The following TFB1M variants were observed in gnomAD, a reference collection of about 807,000 sequenced individuals.
TFB1M encodes the protein dimethyladenosine transferase 1, mitochondrial.
TFB1M carries 27 observed loss-of-function variants against 31.1 expected under a neutral mutation model. The ratio of observed to expected loss-of-function variants is 0.87; its 90% CI spans 0.64 to 1.20. The LOEUF is 1.20. Among genes scored for constraint, TFB1M ranks in the 50% most tolerant of loss-of-function variants. TFB1M has a pLI of 0.00. For missense variants in TFB1M, 394 were observed against 418.7 expected (o/e 0.94, Z 0.51); for synonymous variants, 166 against 151.8 (o/e 1.09, Z -0.69).
the TFB1M span, among the ~76,000 whole-genome samples, chr6:155,249,002 A>G: frequency 2.6e-5 from 4 of 152,228 alleles, no homozygotes; most frequent in African/African-American, 9.6e-5. Context: ...TTTGTATGAC[A>G]GTTAACTTCT....
chr6:155,290,252 G>A lies in TFB1M; in HGVS notation c.547-4975C>T, dbSNP rs573512066. Among the ~76,000 whole-genome samples, 10 of 152,102 alleles carry A rather than the reference G, an allele frequency of 6.6e-5. No homozygotes were observed. In the East Asian group the frequency reaches 1.2e-3, roughly 18 times the overall value. On this transcript the variant is annotated intron_variant, in intron 4 of 6. Transcript: ENST00000367166. ...ATGCAAAAAATTAGCCAGGCGTGGT[G>A]GTGGGCGCCTGTAGTCCCAGCTACT...
chr6:155,252,388 G>C (rs1284879454), downstream of TFB1M, among the ~76,000 whole-genome samples: 1 of 152,104 alleles, frequency 6.6e-6, no homozygotes, highest in Non-Finnish European at 1.5e-5. Flanking sequence ...AGGATCAATT[G>C]AGCCCAGGAG....
chr6:155,266,459 C>A (rs971742319), intron 5 of TFB1M, among the ~76,000 whole-genome samples: 3 of 152,110 alleles, frequency 2.0e-5, no homozygotes, highest in Admixed American at 1.3e-4. Flanking sequence ...CCCTGTGACA[C>A]CCACAAAGCC....
chr6:155,261,846 A>G (rs1408838205), intron 5 of TFB1M, among the ~76,000 whole-genome samples: 1 of 152,220 alleles, frequency 6.6e-6, no homozygotes, highest in African/African-American at 2.4e-5. Flanking sequence ...CCCACCCCCA[A>G]CATCCATCAG....
At chr6:155,230,533 C>G in the TFB1M span, among the ~76,000 whole-genome samples, 1 of 33,498 alleles carries the variant, frequency 3.0e-5, no homozygotes, top group Non-Finnish European at 5.0e-5. Context: ...CAGCCAGACT[C>G]AAGGAGTGAT....
intron 5 of TFB1M, chr6:155,260,756 G>A: frequency 5.8e-6 from 2 of 343,778 alleles, no homozygotes; most frequent in Non-Finnish European, 1.1e-5. Flanking sequence ...TTTTGAATGA[G>A]GAAAAAAATA....
downstream of TFB1M, chr6:155,254,603 C>A (rs1015840959): frequency 1.2e-6 from 2 of 1,601,858 alleles, no homozygotes; most frequent in African/African-American, 1.3e-5. Flanking sequence ...TGTGTTTATT[C>A]AACAAAATAT....
rs776821487 is a variant in TFB1M, at chr6:155,275,769, G to A, written c.666+9389C>T. 3.7e-6 allele frequency: 6 copies of A among 1,613,924 alleles called. No homozygotes were observed. The African/African-American group carries it at 6.7e-5, about 18-fold the overall frequency. ...CTTGCTTTCATCCTGGCCTTATCTGGGGTCTCTGGAGTGCTCACAGCCACT... is the reference window on the plus strand; with the variant it reads ...CTTGCTTTCATCCTGGCCTTATCTGAGGTCTCTGGAGTGCTCACAGCCACT... On this transcript the variant is annotated intron_variant, in intron 5 of 6. Transcript: ENST00000367166.
At chr6:155,295,135 G>C (rs1342973062) in intron 4 of TFB1M, among the ~76,000 whole-genome samples, 1 of 152,218 alleles carries the variant, frequency 6.6e-6, no homozygotes, top group African/African-American at 2.4e-5. Context: ...GGGAGGCTGA[G>C]GCGGGTGGAT....
the TFB1M span, among the ~76,000 whole-genome samples, chr6:155,236,580 T>TTC: frequency 6.6e-6 from 1 of 152,078 alleles, no homozygotes; most frequent in Non-Finnish European, 1.5e-5. Flanking sequence ...GGAGAATTGC[T>TTC]TGCACCCGGG....
chr6:155,269,324 C>CTTTTTTTTTTTTTTTT (rs60162262), intron 5 of TFB1M, among the ~76,000 whole-genome samples: 2 of 127,268 alleles, frequency 1.6e-5, no homozygotes, highest in Non-Finnish European at 1.6e-5. Context: ...CTTTTCTTTT[C>CTTTTTTTTTTTTTTTT]TTTTTTTTTT....
At chr6:155,261,472 A>G (rs1470403971) in intron 5 of TFB1M, among the ~76,000 whole-genome samples, 1 of 152,242 alleles carries the variant, frequency 6.6e-6, no homozygotes, top group Non-Finnish European at 1.5e-5. Context: ...ATAATTCCTT[A>G]AACAGATGAA....
At chr6:155,303,021 T>C (rs897800400) in intron 2 of TFB1M, among the ~76,000 whole-genome samples, 7 of 152,194 alleles carry the variant, frequency 4.6e-5, no homozygotes, top group Non-Finnish European at 7.4e-5. Flanking sequence ...AGTAGGGACA[T>C]AGCCAAACCA....
chr6:155,279,095 C>T (rs1199308208), intron 5 of TFB1M, among the ~76,000 whole-genome samples: 2 of 151,970 alleles, frequency 1.3e-5, no homozygotes. Context: ...ATTATCTGGC[C>T]CCAAATGTCA....
chr6:155,272,878 A>G (rs1020283985), intron 5 of TFB1M, among the ~76,000 whole-genome samples: 4 of 152,206 alleles, frequency 2.6e-5, no homozygotes, highest in Non-Finnish European at 5.9e-5. Flanking sequence ...TCTGAAATAT[A>G]CTGAAAGTTA....
chr6:155,243,846 C>CAAAAAAAAAAAA, the TFB1M span, among the ~76,000 whole-genome samples: 42 of 55,054 alleles, frequency 7.6e-4, no homozygotes, highest in African/African-American at 3.1e-3. Flanking sequence ...GACTCCGTCT[C>CAAAAAAAAAAAA]AAAAAAAAAA....
intron 2 of TFB1M, 125 bp from the exon 3 acceptor site, chr6:155,298,710 G>A: frequency 1.5e-6 from 1 of 685,666 alleles, no homozygotes; most frequent in South Asian, 1.6e-5. Flanking sequence ...GATCATTAAT[G>A]AACAAATACT....
intron 5 of TFB1M, among the ~76,000 whole-genome samples, chr6:155,278,346 C>T (rs1785314610): frequency 6.6e-6 from 1 of 152,228 alleles, no homozygotes; most frequent in Non-Finnish European, 1.5e-5. Flanking sequence ...CTCATTTAAT[C>T]CTCACAATAG....
At chr6:155,298,681 A>G in intron 2 of TFB1M, 96 bp from the exon 3 acceptor site, 1 of 809,164 alleles carries the variant, frequency 1.2e-6, no homozygotes, top group Non-Finnish European at 2.1e-6. Context: ...ATCAGTTAAA[A>G]AAGTCAGAGA....
Sources: allele counts gnomAD v4.1 joint callset (sites outside exome capture counted in the v4.1 genomes callset), GRCh38; gene constraint gnomAD v4.1.1; transcripts MANE v1.5; gene names NCBI Gene and HGNC (gene_info 2026-07-23, HGNC 2026-07-21).